The following KCNT2 variants were observed in gnomAD, a reference collection of about 807,000 sequenced individuals.
KCNT2 encodes the protein potassium sodium-activated channel subfamily T member 2.
Under a neutral mutation model 153.8 loss-of-function variants are expected in KCNT2, and 67 were observed. The ratio of observed to expected loss-of-function variants is 0.44; its 90% CI spans 0.36 to 0.53. The LOEUF is 0.53. Ranked by LOEUF, KCNT2 falls within the 20% of genes least tolerant of loss-of-function variation. KCNT2 has a pLI of 0.00. For missense variants in KCNT2, 975 were observed against 1,354.8 expected (o/e 0.72, Z 4.40); for synonymous variants, 500 against 458.8 (o/e 1.09, Z -1.15).
chr1:196,310,512 G>C (rs1343429033), intron 21 of KCNT2, among the ~76,000 whole-genome samples: 1 of 151,706 alleles, frequency 6.6e-6, no homozygotes, highest in Non-Finnish European at 1.5e-5. Flanking sequence ...ACTATATAAA[G>C]ATATCAATCT....
chr1:196,488,953 G>T (rs977181312), intron 3 of KCNT2, among the ~76,000 whole-genome samples: 11 of 151,984 alleles, frequency 7.2e-5, no homozygotes, highest in African/African-American at 1.9e-4. Context: ...AAGCCAGAGT[G>T]GAACTGGGCT....
chr1:196,289,091 A>T (rs1399709344), intron 22 of KCNT2, among the ~76,000 whole-genome samples: 1 of 152,092 alleles, frequency 6.6e-6, no homozygotes, highest in Non-Finnish European at 1.5e-5. Flanking sequence ...ACTTAAAAAG[A>T]TATTTTTATT....
chr1:196,594,325 A>C (rs1572925712), intron 1 of KCNT2, among the ~76,000 whole-genome samples: 2 of 152,152 alleles, frequency 1.3e-5, no homozygotes, highest in East Asian at 3.9e-4. Flanking sequence ...CTTAAACTAC[A>C]ATGCCTAGGC....
chr1:196,496,821 C>T (rs543180812), intron 1 of KCNT2, among the ~76,000 whole-genome samples: 7 of 152,230 alleles, frequency 4.6e-5, no homozygotes, highest in East Asian at 1.9e-4. Flanking sequence ...TTTAGACACA[C>T]GAATTCACCT....
chr1:196,546,424 C>T (rs886617408), intron 1 of KCNT2, among the ~76,000 whole-genome samples: 3 of 151,942 alleles, frequency 2.0e-5, no homozygotes, highest in Non-Finnish European at 4.4e-5. Flanking sequence ...TATGGGCCTC[C>T]TAGTGATAGC....
chr1:196,446,285 C>A (rs1675680450), intron 8 of KCNT2, among the ~76,000 whole-genome samples: 1 of 151,368 alleles, frequency 6.6e-6, no homozygotes, highest in Non-Finnish European at 1.5e-5. Flanking sequence ...TTTTTCACTC[C>A]ATGAGACGCA....
chr1:196,560,592 A>G (rs1210792971), intron 1 of KCNT2, among the ~76,000 whole-genome samples: 1 of 151,946 alleles, frequency 6.6e-6, no homozygotes, highest in Non-Finnish European at 1.5e-5. Flanking sequence ...AAAAGGGGTA[A>G]CATCCCTACC....
chr1:196,590,036 C>A (rs1016436524), intron 1 of KCNT2, among the ~76,000 whole-genome samples: 27 of 152,126 alleles, frequency 1.8e-4, no homozygotes, highest in African/African-American at 6.5e-4. Context: ...CTAAAAGCCA[C>A]AACTTTACCA....
At chr1:196,345,455 GA>G (rs1257049911) in intron 14 of KCNT2, among the ~76,000 whole-genome samples, 8 of 152,142 alleles carry the variant, frequency 5.3e-5, no homozygotes, top group African/African-American at 1.7e-4. Context: ...GGAATTCAGG[GA>G]GGGGGAGAAA....
At chr1:196,280,340 T>G (rs112534890) in intron 25 of KCNT2, among the ~76,000 whole-genome samples, 1,646 of 152,334 alleles carry the variant, frequency 0.011, 31 homozygotes, top group African/African-American at 0.035. Context: ...AGGTTTACTT[T>G]GGGAAGATCT....
chr1:196,238,819 T>G lies in KCNT2; in HGVS notation c.3212-2749A>C, dbSNP rs1430795948. 2.6e-5 allele frequency among the ~76,000 whole-genome samples: 4 copies of G among 152,008 alleles called. No individual in the cohort carries two copies. The East Asian group carries it at 7.7e-4, about 29-fold the overall frequency. Reference sequence around the variant, plus strand: ...ATGCTGTGTACATGTACCCGAGAACTTAAAGTATAATAATAATTAAAAAAG... The same window carrying G: ...ATGCTGTGTACATGTACCCGAGAACGTAAAGTATAATAATAATTAAAAAAG... On this transcript the variant is annotated intron_variant, in intron 26 of 27. Coordinates refer to ENST00000294725, the MANE Select transcript of KCNT2 (RefSeq NM_198503.5).
At chr1:196,486,355 C>A (rs1299313129) in intron 3 of KCNT2, among the ~76,000 whole-genome samples, 2 of 151,806 alleles carry the variant, frequency 1.3e-5, no homozygotes, top group Non-Finnish European at 2.9e-5. Context: ...AAATATATAT[C>A]ATTTAGTTAT....
intron 21 of KCNT2, among the ~76,000 whole-genome samples, chr1:196,309,076 T>C (rs1277881323): frequency 6.6e-6 from 1 of 151,884 alleles, no homozygotes; most frequent in Non-Finnish European, 1.5e-5. Context: ...GGGTGATACA[T>C]TTTGGCTAAC....
At chr1:196,417,050 G>A (rs1009561708) in intron 12 of KCNT2, among the ~76,000 whole-genome samples, 2 of 152,004 alleles carry the variant, frequency 1.3e-5, no homozygotes, top group Non-Finnish European at 2.9e-5. Context: ...CTTAACGTAA[G>A]TAAATGCATC....
rs1198364202 is a variant in KCNT2 at position 196,329,898 on chromosome 1, T to C, written c.2103+1258A>G. Among the ~76,000 whole-genome samples, 17 of 142,652 alleles carry C rather than the reference T, an allele frequency of 1.2e-4. No individual in the cohort carries two copies. The East Asian group carries it at 3.4e-3, about 28-fold the overall frequency. 93.6% of individuals were successfully genotyped at this position (142,652 alleles called of 152,430 possible). ...ACTTATATGTGTGTGTGTGTGTGTG[T>C]GTGTGTGTATTCATCTGGGCCCATT... On this transcript the variant is annotated intron_variant, in intron 18 of 27. Coordinates refer to ENST00000294725, the MANE Select transcript of KCNT2 (RefSeq NM_198503.5).
intron 1 of KCNT2, among the ~76,000 whole-genome samples, chr1:196,587,553 T>C (rs558364675): frequency 4.6e-5 from 7 of 152,206 alleles, no homozygotes; most frequent in Admixed American, 1.3e-4. Context: ...ATTATTCAGA[T>C]AGCTGTGTAT....
chr1:196,279,160 G>A (rs1406503055), intron 25 of KCNT2, among the ~76,000 whole-genome samples: 1 of 152,152 alleles, frequency 6.6e-6, no homozygotes, highest in African/African-American at 2.4e-5. Context: ...TCATGATCGT[G>A]CTTAATTACT....
intron 25 of KCNT2, 148 bp downstream of exon 25, chr1:196,280,712 A>T (rs1659012999): frequency 4.2e-6 from 3 of 710,072 alleles, no homozygotes; most frequent in East Asian, 2.8e-5. Flanking sequence ...GTTGAAAAAA[A>T]ATTTGGTTCT....
At chr1:196,290,005 T>C (rs1302282122) in intron 22 of KCNT2, among the ~76,000 whole-genome samples, 1 of 152,050 alleles carries the variant, frequency 6.6e-6, no homozygotes, top group African/African-American at 2.4e-5. Flanking sequence ...CTGGCAGAAA[T>C]TTTGTTTCCT....
Sources: gnomAD v4.1 joint callset for allele counts (sites outside exome capture counted in the v4.1 genomes callset) on GRCh38, gnomAD v4.1.1 for gene constraint, MANE v1.5 for transcripts, NCBI Gene and HGNC (gene_info 2026-07-23, HGNC 2026-07-21) for gene names.